PIEZO1: variants seen among roughly 807,000 people sequenced by gnomAD.
PIEZO1 encodes the protein piezo type mechanosensitive ion channel component 1 (Er blood group), also known as piezo-type mechanosensitive ion channel component 1.
Under a neutral mutation model 297.2 loss-of-function variants are expected in PIEZO1, and 296 were observed. The observed-to-expected ratio is 1.00, with a 90% confidence interval of 0.91 to 1.10. The LOEUF (loss-of-function observed/expected upper bound fraction) is 1.10. Ranked by LOEUF, PIEZO1 falls within the 50% of genes least tolerant of loss-of-function variation. PIEZO1 has a pLI of 0.00. For missense variants in PIEZO1, 5,018 were observed against 3,455.5 expected, an observed-to-expected ratio of 1.45 and a Z score of -11.34; for synonymous variants, 2,427 against 1,507.5, an observed-to-expected ratio of 1.61 and a Z score of -14.13.
rs1908119943 is a variant in PIEZO1 at position 88,785,038 on chromosome 16, G to A, written c.-74C>T. 1 of 937,058 alleles carries A rather than the reference G, an allele frequency of 1.1e-6. No homozygotes were observed. The highest frequency in any genetic ancestry group is 1.4e-6 in the Non-Finnish European group (1 of 734,816). 58.0% of individuals were successfully genotyped at this position (937,058 alleles called of 1,614,324 possible). A position where few individuals can be genotyped will look rare whatever the true frequency, so the allele number is the denominator to read the frequency against. On this transcript the variant is annotated 5_prime_UTR_variant, in exon 1 of 51. Coordinates refer to ENST00000301015, the MANE Select transcript of PIEZO1 (RefSeq NM_001142864.4). ...TATGGGGCGGTGCGGGGGCCCCGGG[G>A]CCGGCGCGCCATGGCTGACCCGCGG...
At chr16:88,723,175 G>A in intron 32 of PIEZO1, 24 bp from the exon 33 acceptor site, 1 of 1,549,414 alleles carries the variant, frequency 6.5e-7, no homozygotes, top group Non-Finnish European at 8.7e-7. Context: ...GCTGGTGAGT[G>A]ACTGGCAGTC....
At chr16:88,733,519 G>T in intron 18 of PIEZO1, 65 bp from the exon 19 acceptor site, 1 of 1,530,390 alleles carries the variant, frequency 6.5e-7, no homozygotes, top group Non-Finnish European at 8.8e-7. Flanking sequence ...GCTGGGCTTG[G>T]GGAGGCCAGC....
At chr16:88,734,155 C>T in intron 16 of PIEZO1, 101 bp from the exon 17 acceptor site, 1 of 1,386,332 alleles carries the variant, frequency 7.2e-7, no homozygotes, top group Non-Finnish European at 9.6e-7. Context: ...CTGCAGCTGC[C>T]AGTTCAGGTG....
chr16:88,725,882 C>T (rs1381270061), intron 27 of PIEZO1, 198 bp from the exon 28 acceptor site: 2 of 592,400 alleles, frequency 3.4e-6, no homozygotes, highest in African/African-American at 1.9e-5. Context: ...TTCTGCCGTA[C>T]AGATGCAGGG....
chr16:88,734,345 C>T lies in PIEZO1; in HGVS notation c.2180+11G>A, dbSNP rs776939319. 34 of 1,506,064 alleles carry T rather than the reference C, an allele frequency of 2.3e-5. No individual in the cohort carries two copies. The highest frequency in any genetic ancestry group is 1.9e-4 in the African/African-American group (14 of 72,198). 93.3% of individuals were successfully genotyped at this position (1,506,064 alleles called of 1,614,324 possible). A position where few individuals can be genotyped will look rare whatever the true frequency, so the allele number is the denominator to read the frequency against. ...CCTCTCCAGGGCCGGACAGGGAGGG[C>T]GGGGCCGCACCTGTGAGCCCAGCGC... On this transcript the variant is annotated intron_variant, in intron 16 of 50. Coordinates refer to ENST00000301015, the MANE Select transcript of PIEZO1 (RefSeq NM_001142864.4).
intron 26 of PIEZO1, 34 bp from the exon 27 acceptor site, chr16:88,726,489 G>T: frequency 6.5e-7 from 1 of 1,547,052 alleles, no homozygotes; most frequent in Non-Finnish European, 8.7e-7. Flanking sequence ...GTCAGGCCCA[G>T]GGCCCAGGAG....
chr16:88,746,523 T>A (rs971834565), intron 2 of PIEZO1, among the ~76,000 whole-genome samples: 4 of 151,904 alleles, frequency 2.6e-5, no homozygotes, highest in Non-Finnish European at 5.9e-5. Context: ...CCCCCAAGGA[T>A]CAGGCTGACG....
chr16:88,715,613 T>C lies in PIEZO1; in HGVS notation c.7558A>G (p.Lys2520Glu), dbSNP rs570744198. The C allele has an allele frequency of 1.5e-4, 234 of 1,549,598 alleles. No homozygotes were observed. The Middle Eastern group carries it at 6.3e-3, about 42-fold the overall frequency. Residue 2520 changes from lysine (K) to glutamate (E), a missense_variant, in exon 51 of 51, where the codon AAG (lysine) becomes GAG (glutamate). By Grantham distance (56) the Lys-to-Glu change is moderately conservative. Transcript: ENST00000301015. ...PETMIKWTRE[K>E]E Reference sequence around the variant, plus strand: ...GGCGCCAGCAGCAGCTCCTACTCCTTCTCACGAGTCCACTTGATCATGGTC... The same window carrying C: ...GGCGCCAGCAGCAGCTCCTACTCCTCCTCACGAGTCCACTTGATCATGGTC...
intron 2 of PIEZO1, among the ~76,000 whole-genome samples, chr16:88,747,533 A>T (rs1258674166): frequency 1.3e-5 from 2 of 152,138 alleles, no homozygotes; most frequent in African/African-American, 4.8e-5. Flanking sequence ...ATAAATAAAA[A>T]AGACCATTGC....
intron 1 of PIEZO1, among the ~76,000 whole-genome samples, chr16:88,782,386 A>G (rs148602177): frequency 1.3e-5 from 2 of 152,316 alleles, no homozygotes; most frequent in African/African-American, 2.4e-5. Flanking sequence ...CTCTGGGATT[A>G]CAGGTGTGAG....
chr16:88,732,166 C>G (rs1026484999), intron 21 of PIEZO1, among the ~76,000 whole-genome samples, 169 bp downstream of exon 21: 8 of 151,952 alleles, frequency 5.3e-5, no homozygotes, highest in Non-Finnish European at 1.2e-4. Context: ...TTGTCAGCAC[C>G]GACACACCAC....
Position 88,732,541 on chromosome 16 carries a change from G to C in PIEZO1, c.2791-6C>G, listed in dbSNP as rs971007674. 6.5e-7 allele frequency: 1 copy of C among 1,544,972 alleles called. No homozygotes were observed. Among genetic ancestry groups the C allele is most frequent in the Admixed American group, 2.0e-5 (1 of 50,868 alleles). On this transcript the variant is annotated splice_region_variant and splice_polypyrimidine_tract_variant and intron_variant, in intron 20 of 50. Transcript: ENST00000301015. The stretch of plus-strand genomic sequence containing the variant: ...AGCAGCACTTGCAGGTGGTTCTGCG[G>C]AGGGCAAGGGTCAGGGGGCAGCCGG...
chr16:88,783,088 G>C (rs1165955810), intron 1 of PIEZO1, among the ~76,000 whole-genome samples: 1 of 152,206 alleles, frequency 6.6e-6, no homozygotes, highest in Non-Finnish European at 1.5e-5. Flanking sequence ...TTTCATAGAA[G>C]ACTGACACGG....
rs115788798 is a variant in PIEZO1, at chr16:88,782,974, G to C, written c.64+1927C>G. Among the ~76,000 whole-genome samples the C allele has an allele frequency of 7.6e-3, 1,155 of 152,312 alleles. 22 individuals carry two copies. The highest frequency in any genetic ancestry group is 0.026 in the African/African-American group (1,061 of 41,562). On this transcript the variant is annotated intron_variant, in intron 1 of 50. Coordinates refer to ENST00000301015, the MANE Select transcript of PIEZO1 (RefSeq NM_001142864.4). ...ACAGAATCAGTGTGGGGTATGGCCC[G>C]GGCTTCAGCATCTTTCAAATTAAGA... is the stretch of plus-strand genomic sequence containing the variant.
chr16:88,753,670 C>T (rs1329815222), intron 1 of PIEZO1, among the ~76,000 whole-genome samples: 2 of 152,284 alleles, frequency 1.3e-5, no homozygotes, highest in East Asian at 1.9e-4. Flanking sequence ...CGCAGGGCCA[C>T]GGCTTTTCGA....
rs1908122535 is a variant in PIEZO1, at chr16:88,785,084, C to T, written c.-120G>A. 2 of 512,820 alleles carry T rather than the reference C, an allele frequency of 3.9e-6. No individual in the cohort carries two copies. The highest frequency in any genetic ancestry group is 1.9e-4 in the South Asian group (2 of 10,568). 31.8% of individuals were successfully genotyped at this position (512,820 alleles called of 1,614,324 possible). ...CGCGGGGACCCGCGCGCCGCCTTCT[C>T]CTCTTCCTCCTTCTCCTTCGGCCGC... On this transcript the variant is annotated 5_prime_UTR_variant, in exon 1 of 51. Transcript: ENST00000301015.
At chr16:88,769,944 A>G (rs1031962174) in intron 1 of PIEZO1, among the ~76,000 whole-genome samples, 1 of 152,158 alleles carries the variant, frequency 6.6e-6, no homozygotes, top group African/African-American at 2.4e-5. Context: ...CCAATGCCAC[A>G]TGGCGGGGCA....
Position 88,716,256 on chromosome 16 carries a change from G to A in PIEZO1, c.7071C>T (p.Pro2357=), listed in dbSNP as rs747694984. The stretch of plus-strand genomic sequence containing the variant: ...GCCCGTTGGGGGCACGGATGTACTT[G>A]GGGAAGAGATTAGGGATGACCCTGC... ...DQSVVIPNLF[P]KYIRAPNGPE... is the part of the protein sequence containing the mutation. Residue 2357 remains proline, a synonymous_variant, in exon 49 of 51, where the codon CCC becomes CCT. Transcript: ENST00000301015. 68 of 1,493,850 alleles carry A rather than the reference G, an allele frequency of 4.6e-5. No homozygotes were observed. In the African/African-American group the frequency reaches 8.5e-4, roughly 19 times the overall value. 92.5% of individuals were successfully genotyped at this position (1,493,850 alleles called of 1,614,324 possible). A position where few individuals can be genotyped will look rare whatever the true frequency, so the allele number is the denominator to read the frequency against.
At chr16:88,756,608 A>G (rs1188199497) in intron 1 of PIEZO1, among the ~76,000 whole-genome samples, 1 of 151,904 alleles carries the variant, frequency 6.6e-6, no homozygotes, top group Non-Finnish European at 1.5e-5. Context: ...TCTCTACTAA[A>G]AATACAAAAT....
Sources: gnomAD v4.1 joint callset for allele counts (sites outside exome capture counted in the v4.1 genomes callset) on GRCh38, gnomAD v4.1.1 for gene constraint, MANE v1.5 for transcripts, NCBI Gene and HGNC (gene_info 2026-07-23, HGNC 2026-07-21) for gene names.